The following MYT1L variants were observed in gnomAD, a reference collection of about 807,000 sequenced individuals.
MYT1L encodes the protein myelin transcription factor 1 like, also known as myelin transcription factor 1-like protein.
MYT1L carries 12 observed loss-of-function variants against 126.7 expected under a neutral mutation model. The ratio of observed to expected loss-of-function variants is 0.09; its 90% CI spans 0.06 to 0.15. MYT1L has a LOEUF of 0.15. MYT1L is among the 10% of genes least tolerant of loss of function. The pLI is 1.00. For synonymous variants in MYT1L, 541 were observed against 604.2 expected (o/e 0.90, Z 1.53); for missense variants, 979 against 1,585.2 (o/e 0.62, Z 6.49).
At chr2:1,890,155 C>T (rs1366337001) in intron 15 of MYT1L, among the ~76,000 whole-genome samples, 2 of 151,854 alleles carry the variant, frequency 1.3e-5, no homozygotes, top group Non-Finnish European at 2.9e-5. Context: ...CTGCAACCTC[C>T]ACCTCCCAGG....
At chr2:2,277,330 C>G (rs916627093) in intron 2 of MYT1L, among the ~76,000 whole-genome samples, 3 of 152,164 alleles carry the variant, frequency 2.0e-5, no homozygotes, top group Non-Finnish European at 4.4e-5. Flanking sequence ...CCCTTCATAC[C>G]CGATGGTGAT....
At chr2:2,093,320 G>A (rs565810671) in intron 3 of MYT1L, among the ~76,000 whole-genome samples, 1 of 150,580 alleles carries the variant, frequency 6.6e-6, no homozygotes, top group Non-Finnish European at 1.5e-5. Context: ...GGGGTGGGGC[G>A]GGGGGGCTTT....
chr2:1,976,714 T>C (rs1289124216), intron 8 of MYT1L, among the ~76,000 whole-genome samples: 1 of 152,226 alleles, frequency 6.6e-6, no homozygotes, highest in Non-Finnish European at 1.5e-5. Flanking sequence ...TAGATGTTAA[T>C]ATATCCATGA....
At chr2:1,816,043 C>G (rs2037576398) in intron 21 of MYT1L, 1 of 152,216 alleles carries the variant, frequency 6.6e-6, no homozygotes, top group South Asian at 2.1e-4. Flanking sequence ...GTTGCCCAGG[C>G]TGGTCTCGAA....
intron 18 of MYT1L, among the ~76,000 whole-genome samples, chr2:1,869,478 T>C (rs534587924): frequency 6.6e-6 from 1 of 152,344 alleles, no homozygotes; most frequent in East Asian, 1.9e-4. Context: ...TGTGTGTGCC[T>C]GCATGTGGTC....
intron 3 of MYT1L, among the ~76,000 whole-genome samples, chr2:2,061,389 C>A (rs911817808): frequency 6.6e-6 from 1 of 152,108 alleles, no homozygotes; most frequent in African/African-American, 2.4e-5. Flanking sequence ...CCCCTCTAAG[C>A]CGTTCTATTT....
intron 5 of MYT1L, among the ~76,000 whole-genome samples, chr2:1,996,421 G>A (rs1359699916): frequency 6.6e-6 from 1 of 151,432 alleles, no homozygotes; most frequent in Non-Finnish European, 1.5e-5. Flanking sequence ...GCACAGAACC[G>A]AGTATAGATG....
chr2:2,147,766 C>T (rs546808427), intron 3 of MYT1L, among the ~76,000 whole-genome samples: 3 of 152,294 alleles, frequency 2.0e-5, no homozygotes, highest in Non-Finnish European at 2.9e-5. Context: ...GCGTCCCAGA[C>T]GAGGACAGCT....
At chr2:2,259,286 C>G (rs2149267369) in intron 2 of MYT1L, among the ~76,000 whole-genome samples, 2 of 115,708 alleles carry the variant, frequency 1.7e-5, no homozygotes, top group East Asian at 2.6e-4. Flanking sequence ...GGAGATATAC[C>G]TAATGCTAGA....
intron 3 of MYT1L, among the ~76,000 whole-genome samples, chr2:2,145,990 A>G (rs1359906397): frequency 1.3e-5 from 2 of 152,166 alleles, no homozygotes; most frequent in Non-Finnish European, 2.9e-5. Context: ...GCCAATGCTG[A>G]CGATCTGGAA....
At chr2:1,998,566 G>C (rs899667017) in intron 4 of MYT1L, among the ~76,000 whole-genome samples, 30 of 152,102 alleles carry the variant, frequency 2.0e-4, no homozygotes, top group Non-Finnish European at 5.9e-5. Flanking sequence ...CATACACACA[G>C]TTAATAAGGG....
At chr2:2,280,651 T>C (rs1479498631) in intron 2 of MYT1L, among the ~76,000 whole-genome samples, 1 of 152,170 alleles carries the variant, frequency 6.6e-6, no homozygotes, top group African/African-American at 2.4e-5. Flanking sequence ...ATCAACTTCG[T>C]AGGACACGGC....
intron 8 of MYT1L, among the ~76,000 whole-genome samples, chr2:1,977,280 G>C (rs2060259905): frequency 6.6e-6 from 1 of 152,130 alleles, no homozygotes; most frequent in Non-Finnish European, 1.5e-5. Context: ...AGCCCAACTT[G>C]TTTTCAAATC....
intron 3 of MYT1L, among the ~76,000 whole-genome samples, chr2:2,131,419 T>G (rs2082334595): frequency 6.6e-6 from 1 of 152,196 alleles, no homozygotes; most frequent in Non-Finnish European, 1.5e-5. Flanking sequence ...CACCTTCTCT[T>G]TTTAAAATTG....
At position 1,979,342 on chromosome 2, in the gene MYT1L, T is replaced by A. The variant is rs1226789960; in HGVS notation, c.90-115A>T. Reference sequence around the variant, plus strand: ...CAGACAGAGGAGAGAAATCACACAATCCAAAGGAGGGGGAAATTCGGGGAG... The same window carrying A: ...CAGACAGAGGAGAGAAATCACACAAACCAAAGGAGGGGGAAATTCGGGGAG... On this transcript the variant is annotated intron_variant, in intron 7 of 24. Transcript: ENST00000647738. This position sits in a 1 kb window ranked among gnomAD's most constrained non-coding sequence, Gnocchi z 4.0. 2 of 1,135,994 alleles carry A rather than the reference T, an allele frequency of 1.8e-6. No homozygotes were observed. The highest frequency in any genetic ancestry group is 2.6e-6 in the Non-Finnish European group (2 of 769,320). The allele number at this position is 1,135,994 out of a possible 1,614,324, so 70.4% of individuals were successfully genotyped here.
chr2:2,163,225 G>A (rs1575583882), intron 3 of MYT1L, among the ~76,000 whole-genome samples: 1 of 152,006 alleles, frequency 6.6e-6, no homozygotes. Context: ...TCTACATGGG[G>A]CTCTGATCTC....
intron 5 of MYT1L, among the ~76,000 whole-genome samples, chr2:1,989,076 A>G (rs1417346182): frequency 1.3e-5 from 2 of 152,142 alleles, no homozygotes; most frequent in Non-Finnish European, 2.9e-5. Flanking sequence ...TTGGCCCCAG[A>G]GTACAGTCTC....
At chr2:1,813,807 C>G (rs2148044174) in intron 21 of MYT1L, among the ~76,000 whole-genome samples, 1 of 146,066 alleles carries the variant, frequency 6.8e-6, no homozygotes, top group African/African-American at 2.5e-5. Flanking sequence ...GCGGGCGGAT[C>G]ACGCGGTCAG....
chr2:1,866,443 G>GGA lies in MYT1L; in HGVS notation c.2712-14742_2712-14741dup, dbSNP rs538164490. Among the ~76,000 whole-genome samples the GGA allele has an allele frequency of 1.3e-3, 188 of 145,966 alleles. 1 individual carries two copies. The highest frequency in any genetic ancestry group is 4.5e-3 in the African/African-American group (177 of 39,598). ...AGGAGGCAGGCAGAGAGAGAGAGTG[G>GGA]GAGAGAGAGAGAGAGGCAGAGAGAG... On this transcript the variant is annotated intron_variant, in intron 18 of 24. Coordinates refer to ENST00000647738, the MANE Select transcript of MYT1L (RefSeq NM_001303052.2).
Sources: allele counts gnomAD v4.1 joint callset (sites outside exome capture counted in the v4.1 genomes callset), GRCh38; gene constraint gnomAD v4.1.1; non-coding constraint Gnocchi (gnomAD v3.1); transcripts MANE v1.5; gene names NCBI Gene and HGNC (gene_info 2026-07-23, HGNC 2026-07-21).